The following CCN6 variants were observed in gnomAD, a reference collection of about 807,000 sequenced individuals.
CCN6 encodes the protein CCN family member 6.
Under a neutral mutation model 37.4 loss-of-function variants are expected in CCN6, and 31 were observed. That is an observed-to-expected ratio of 0.83 (90% CI 0.62 to 1.12). The LOEUF is 1.12. Ranked by LOEUF, CCN6 falls within the 50% of genes most tolerant of loss-of-function variation. CCN6 has a pLI of 0.00. For missense variants in CCN6, 369 were observed against 413.8 expected (o/e 0.89, Z 0.94); for synonymous variants, 137 against 142.1 (o/e 0.96, Z 0.26).
upstream of CCN6, among the ~76,000 whole-genome samples, chr6:112,053,811 T>TGCCATTAATATGGAGGGGGAAAGCCA (rs1776266955): frequency 7.1e-6 from 1 of 140,776 alleles, no homozygotes; most frequent in African/African-American, 2.7e-5. Context: ...TTCGAGAGCC[T>TGCCATTAATATGGAGGGGGAAAGCCA]GCCATTAATA....
intron 1 of CCN6, among the ~76,000 whole-genome samples, chr6:112,059,398 G>A (rs1554312331): frequency 6.6e-6 from 1 of 152,166 alleles, no homozygotes; most frequent in Non-Finnish European, 1.5e-5. Flanking sequence ...GGTGGCAGGG[G>A]AGAATCCATT....
At chr6:112,065,966 TAA>T (rs1776684653) in intron 3 of CCN6, among the ~76,000 whole-genome samples, 1 of 152,200 alleles carries the variant, frequency 6.6e-6, no homozygotes, top group Admixed American at 6.5e-5. Context: ...GCCTTTTTCT[TAA>T]AGTTTAGAGC....
intron 4 of CCN6, 125 bp downstream of exon 4, chr6:112,068,523 C>CTT: frequency 2.2e-6 from 2 of 910,172 alleles, no homozygotes; most frequent in Non-Finnish European, 3.2e-6. Context: ...CATTATAATG[C>CTT]TTAAAGTCAA....
chr6:112,060,670 T>G (rs1322620048), intron 1 of CCN6, among the ~76,000 whole-genome samples: 4 of 151,878 alleles, frequency 2.6e-5, no homozygotes, highest in African/African-American at 9.7e-5. Flanking sequence ...TGAGGGAAGA[T>G]ACTTTAGAGG....
rs913461005 is a variant in CCN6, at chr6:112,064,618, G to A, written c.347-137G>A. On this transcript the variant is annotated intron_variant, in intron 2 of 4. Coordinates refer to ENST00000368666, the MANE Select transcript of CCN6 (RefSeq NM_198239.2). Reference sequence around the variant, plus strand: ...TTTCTACAGATGTCCTGTGAAGGAGGTTCCAAATGGAACCTAAGAGGTTGA... The same window carrying A: ...TTTCTACAGATGTCCTGTGAAGGAGATTCCAAATGGAACCTAAGAGGTTGA... 5.8e-6 allele frequency: 8 copies of A among 1,373,174 alleles called. No individual in the cohort carries two copies. The South Asian group carries it at 9.4e-5, about 16-fold the overall frequency. The allele number at this position is 1,373,174 out of a possible 1,614,324, so 85.1% of individuals were successfully genotyped here.
chr6:112,054,268 G>T lies in CCN6; in HGVS notation c.-90G>T. The T allele has an allele frequency of 2.5e-6, 4 of 1,587,418 alleles. No homozygotes were observed. The highest frequency in any genetic ancestry group is 3.5e-6 in the Non-Finnish European group (4 of 1,155,772). On this transcript the variant is annotated 5_prime_UTR_variant, in exon 1 of 5. Coordinates refer to ENST00000368666, the MANE Select transcript of CCN6 (RefSeq NM_198239.2). ...TCTTGTGCAGAGGAGCGTGGGGTTTGCAGAGGAGACAGGGGAGCTTTGTGT... is the reference window on the plus strand; with the variant it reads ...TCTTGTGCAGAGGAGCGTGGGGTTTTCAGAGGAGACAGGGGAGCTTTGTGT...
In CCN6 at chr6:112,069,249, A is replaced by G. The variant is rs137986338; in HGVS notation, c.784-90A>G. On this transcript the variant is annotated intron_variant, in intron 4 of 4. Coordinates refer to ENST00000368666, the MANE Select transcript of CCN6 (RefSeq NM_198239.2). Reference sequence around the variant, plus strand: ...GCAACTTTTATTAATGCCTCCAAATACTCAGATTTGTACTATAAACTATTC... The same window carrying G: ...GCAACTTTTATTAATGCCTCCAAATGCTCAGATTTGTACTATAAACTATTC... 1,900 of 1,434,404 alleles carry G rather than the reference A, an allele frequency of 1.3e-3. 20 individuals carry two copies. The African/African-American group carries it at 0.025, about 19-fold the overall frequency. The allele number at this position is 1,434,404 out of a possible 1,614,324, so 88.9% of individuals were successfully genotyped here. A position where few individuals can be genotyped will look rare whatever the true frequency, so the allele number is the denominator to read the frequency against.
At chr6:112,062,306 T>C (rs1000491470) in intron 2 of CCN6, among the ~76,000 whole-genome samples, 3 of 152,224 alleles carry the variant, frequency 2.0e-5, no homozygotes, top group Admixed American at 6.5e-5. Context: ...ATGTTATTTA[T>C]TGGAATCCTA....
At chr6:112,055,833 G>A (rs189558150) in intron 1 of CCN6, among the ~76,000 whole-genome samples, 1 of 152,182 alleles carries the variant, frequency 6.6e-6, no homozygotes, top group Non-Finnish European at 1.5e-5. Context: ...CAAGTGATCC[G>A]CCCACCTCGG....
chr6:112,060,924 C>T (rs57658716), intron 1 of CCN6, 67 bp from the exon 2 acceptor site: 1 of 1,590,688 alleles, frequency 6.3e-7, no homozygotes, highest in Admixed American at 1.7e-5. Context: ...TGGGGGAAAT[C>T]TTCTATTCCT....
intron 2 of CCN6, 103 bp from the exon 3 acceptor site, chr6:112,064,652 C>T: frequency 1.3e-6 from 2 of 1,564,178 alleles, no homozygotes; most frequent in East Asian, 2.2e-5. Context: ...GAGAGCTATA[C>T]TTCATACAGG....
chr6:112,064,361 A>G (rs781796633), intron 2 of CCN6, among the ~76,000 whole-genome samples: 1 of 152,190 alleles, frequency 6.6e-6, no homozygotes, highest in Non-Finnish European at 1.5e-5. Context: ...GTAGTTAACT[A>G]ACGTATAGTT....
chr6:112,056,586 G>T (rs1480483658), intron 1 of CCN6, among the ~76,000 whole-genome samples: 1 of 152,080 alleles, frequency 6.6e-6, no homozygotes, highest in Non-Finnish European at 1.5e-5. Context: ...GCGTGTCTTG[G>T]CTCACTGCAA....
Position 112,054,329 on chromosome 6 carries a change from C to G in CCN6, c.-29C>G, listed in dbSNP as rs151277297. 53 of 1,613,868 alleles carry G rather than the reference C, an allele frequency of 3.3e-5. No homozygotes were observed. The African/African-American group carries it at 7.1e-4, about 22-fold the overall frequency. ...ATGAACAAGCGGCGACTTCTCTACC[C>G]CTCAGGGTGGCTCCACGGTCCCAGC... On this transcript the variant is annotated 5_prime_UTR_variant, in exon 1 of 5. Coordinates refer to ENST00000368666, the MANE Select transcript of CCN6 (RefSeq NM_198239.2).
At chr6:112,054,469 C>A in intron 1 of CCN6, 64 bp downstream of exon 1, 1 of 1,440,934 alleles carries the variant, frequency 6.9e-7, no homozygotes, top group Non-Finnish European at 9.7e-7. Flanking sequence ...TCTTCAGGCC[C>A]AAAACTAAAC....
At chr6:112,069,149 T>C (rs587744847) in intron 4 of CCN6, among the ~76,000 whole-genome samples, 190 bp from the exon 5 acceptor site, 2 of 152,230 alleles carry the variant, frequency 1.3e-5, no homozygotes, top group Non-Finnish European at 2.9e-5. Context: ...TATAATATGA[T>C]GAAGAATAGA....
intron 2 of CCN6, among the ~76,000 whole-genome samples, chr6:112,063,922 G>A (rs744005): frequency 0.23 from 35,406 of 152,086 alleles, 4,306 homozygotes; most frequent in East Asian, 0.32. Context: ...ATTTTGTCAC[G>A]TAGAATATTA....
At chr6:112,057,232 G>A (rs1776373953) in intron 1 of CCN6, among the ~76,000 whole-genome samples, 3 of 152,180 alleles carry the variant, frequency 2.0e-5, no homozygotes, top group Admixed American at 6.5e-5. Flanking sequence ...GGCAGGAGAG[G>A]GCTTTGGATA....
At chr6:112,067,019 T>G in intron 3 of CCN6, 1 of 1,366,432 alleles carries the variant, frequency 7.3e-7, no homozygotes, top group Non-Finnish European at 9.8e-7. Context: ...TTTAAACTGT[T>G]GTCTACCTTC....
Sources: gnomAD v4.1 joint callset for allele counts (sites outside exome capture counted in the v4.1 genomes callset) on GRCh38, gnomAD v4.1.1 for gene constraint, MANE v1.5 for transcripts, NCBI Gene and HGNC (gene_info 2026-07-23, HGNC 2026-07-21) for gene names.